SVEP1: variants seen among roughly 807,000 people sequenced by gnomAD.
SVEP1 encodes the protein sushi, von Willebrand factor type A, EGF and pentraxin domain-containing protein 1.
SVEP1 carries 164 observed loss-of-function variants against 367.3 expected under a neutral mutation model. The ratio of observed to expected loss-of-function variants is 0.45; its 90% CI spans 0.39 to 0.51. SVEP1 has a LOEUF of 0.51. Among genes scored for constraint, SVEP1 ranks in the 20% least tolerant of loss-of-function variants. The probability of loss-of-function intolerance (pLI) is 0.00; values close to 1 mark genes in which losing one functional copy is unlikely to be tolerated. For missense variants in SVEP1, 4,117 were observed against 4,425.3 expected (o/e 0.93, Z 1.98); for synonymous variants, 1,666 against 1,611.6 (o/e 1.03, Z -0.81).
rs779502981 is a variant in SVEP1 at position 110,489,714 on chromosome 9, G to A, written c.1866C>T (p.Ile622=). 202 of 1,613,574 alleles carry A rather than the reference G, an allele frequency of 1.3e-4. No homozygotes were observed. Among genetic ancestry groups the A allele is most frequent in the East Asian group, 1.8e-4 (8 of 44,866 alleles). Residue 622 remains isoleucine, a synonymous_variant, in exon 9 of 48, where the codon ATC becomes ATT. Transcript: ENST00000374469. ...CGGATAGGTCAGTTGCCGTGTATACGATAGCAACATCTCCAATTGGGAAAA... is the reference window on the plus strand; with the variant it reads ...CGGATAGGTCAGTTGCCGTGTATACAATAGCAACATCTCCAATTGGGAAAA... The part of the protein sequence containing the change: ...PYLFPIGDVA[I]VYTATDLSGN...
chr9:110,569,776 A>G (rs1384691997), intron 1 of SVEP1, among the ~76,000 whole-genome samples: 1 of 152,230 alleles, frequency 6.6e-6, no homozygotes, highest in Non-Finnish European at 1.5e-5. Context: ...AGTAATTAGA[A>G]TCTATCTTCA....
At chr9:110,370,108 T>C (rs1588015952) in intron 46 of SVEP1, 92 bp from the exon 47 acceptor site, 1 of 1,153,318 alleles carries the variant, frequency 8.7e-7, no homozygotes. Context: ...TGACTCTACT[T>C]CCTGCAGCAG....
intron 1 of SVEP1, among the ~76,000 whole-genome samples, chr9:110,562,336 T>C (rs1830442448): frequency 6.6e-6 from 1 of 152,166 alleles, no homozygotes; most frequent in Non-Finnish European, 1.5e-5. Context: ...AAATCAAATT[T>C]AATTTTATTA....
rs138366915 is a variant in SVEP1 at position 110,556,359 on chromosome 9, C to T, written c.532-6255G>A. Among the ~76,000 whole-genome samples the T allele has an allele frequency of 2.7e-3, 407 of 152,278 alleles. 5 individuals carry two copies. The highest frequency in any genetic ancestry group is 5.0e-3 in the Non-Finnish European group (339 of 68,016). On this transcript the variant is annotated intron_variant, in intron 1 of 47. Coordinates refer to ENST00000374469, the MANE Select transcript of SVEP1 (RefSeq NM_153366.4). ...AGATCTGGCATGGGGACAGTGTTTGCTCTTGGGCTGCATTAATTAAACTAC... is the reference window on the plus strand; with the variant it reads ...AGATCTGGCATGGGGACAGTGTTTGTTCTTGGGCTGCATTAATTAAACTAC...
intron 1 of SVEP1, among the ~76,000 whole-genome samples, chr9:110,572,973 A>G (rs1199277172): frequency 6.6e-6 from 1 of 152,018 alleles, no homozygotes; most frequent in Non-Finnish European, 1.5e-5. Flanking sequence ...AGATTCCTAT[A>G]TAATACTAGG....
intron 1 of SVEP1, among the ~76,000 whole-genome samples, chr9:110,552,547 C>T (rs1278918250): frequency 6.6e-6 from 1 of 152,010 alleles, no homozygotes; most frequent in East Asian, 1.9e-4. Flanking sequence ...TCAGTGGGAG[C>T]ACTCAACTTG....
At chr9:110,465,175 A>C (rs567986588) in intron 18 of SVEP1, among the ~76,000 whole-genome samples, 1 of 152,290 alleles carries the variant, frequency 6.6e-6, no homozygotes, top group East Asian at 1.9e-4. Flanking sequence ...ACCGAATCAA[A>C]GACCCTGGAG....
intron 42 of SVEP1, among the ~76,000 whole-genome samples, chr9:110,387,084 A>ACAAAAGCTGATT (rs1425415780): frequency 6.6e-6 from 1 of 152,204 alleles, no homozygotes; most frequent in Non-Finnish European, 1.5e-5. Context: ...ATGGAATCTG[A>ACAAAAGCTGATT]CAAAAGCTGA....
intron 1 of SVEP1, among the ~76,000 whole-genome samples, chr9:110,559,991 G>C (rs554938691): frequency 1.9e-4 from 29 of 152,230 alleles, no homozygotes; most frequent in African/African-American, 6.7e-4. Flanking sequence ...ATGTCTGTTT[G>C]TGTATGTATG....
intron 14 of SVEP1, among the ~76,000 whole-genome samples, chr9:110,472,647 G>T (rs956637812): frequency 2.6e-5 from 4 of 152,096 alleles, no homozygotes; most frequent in African/African-American, 9.7e-5. Flanking sequence ...AATAAGAGCT[G>T]GGTGCAAAAT....
chr9:110,529,054 C>T (rs972207760), intron 3 of SVEP1, among the ~76,000 whole-genome samples: 6 of 151,754 alleles, frequency 4.0e-5, no homozygotes, highest in East Asian at 1.9e-4. Context: ...TTTTTTTATA[C>T]GGTGAGAGAC....
rs187399627 is a variant in SVEP1 at position 110,416,492 on chromosome 9, T to C, written c.5976-4757A>G. On this transcript the variant is annotated intron_variant, in intron 36 of 47. Transcript: ENST00000374469. ...TAGGTTTTGAAAGAGATGAAAAGTG[T>C]GACAGATTAATTAACATGAAAAATA... Among the ~76,000 whole-genome samples, 42 of 151,396 alleles carry C rather than the reference T, an allele frequency of 2.8e-4. 1 individual carries two copies. The highest frequency in any genetic ancestry group is 7.3e-4 in the African/African-American group (30 of 41,110).
intron 5 of SVEP1, among the ~76,000 whole-genome samples, chr9:110,504,575 A>G (rs941057550): frequency 1.3e-5 from 2 of 152,240 alleles, no homozygotes; most frequent in Non-Finnish European, 1.5e-5. Flanking sequence ...GAGCTATTAC[A>G]CCAACTTTGG....
chr9:110,431,858 A>G, intron 32 of SVEP1, 57 bp downstream of exon 32: 2 of 1,601,022 alleles, frequency 1.2e-6, no homozygotes, highest in Non-Finnish European at 1.7e-6. Context: ...CACTTAAAAT[A>G]TGTACTTGAA....
Position 110,407,227 on chromosome 9 carries a change from G to GT in SVEP1, c.8372dup (p.Tyr2791Ter). 1.2e-6 allele frequency: 2 copies of GT among 1,613,964 alleles called. No individual in the cohort carries two copies. The highest frequency in any genetic ancestry group is 1.7e-6 in the Non-Finnish European group (2 of 1,179,880). ...VMNGSIKGSN[Y>*]TYLSTLYYEC... Reference sequence around the variant, plus strand: ...CATAGTACAACGTGCTCAGGTATGTGTAGTTGCTTCCTTTGATGGATCCAT... The same window carrying GT: ...CATAGTACAACGTGCTCAGGTATGTGTTAGTTGCTTCCTTTGATGGATCCAT... The change falls in exon 38 of 48, where the codon TAC (tyrosine) becomes TAAC (stop). Residue 2791 changes from tyrosine to a stop codon, truncating the protein, a stop_gained and frameshift_variant. Transcript: ENST00000374469. LOFTEE classifies it high-confidence loss of function.
At chr9:110,367,396 C>T (rs1827216006) in intron 47 of SVEP1, among the ~76,000 whole-genome samples, 1 of 121,808 alleles carries the variant, frequency 8.2e-6, no homozygotes, top group Admixed American at 7.7e-5. Flanking sequence ...ACTCCTGGGC[C>T]CAAGTGATCC....
At chr9:110,442,882 C>T (rs1200198002) in intron 27 of SVEP1, 1 of 152,150 alleles carries the variant, frequency 6.6e-6, no homozygotes, top group Non-Finnish European at 1.5e-5. Context: ...ATCCTAGTTT[C>T]ATACAACTTA....
At position 110,407,064 on chromosome 9, in the gene SVEP1, C is replaced by T; in HGVS notation, c.8536G>A (p.Gly2846Arg). 1 of 1,614,010 alleles carries T rather than the reference C, an allele frequency of 6.2e-7. No individual in the cohort carries two copies. Among genetic ancestry groups the T allele is most frequent in the Non-Finnish European group, 8.5e-7 (1 of 1,179,898 alleles). Residue 2846 changes from glycine to arginine, a missense_variant, in exon 38 of 48, where the codon GGA (glycine) becomes AGA (arginine). By Grantham distance (125) the Gly-to-Arg change is moderately radical. This residue lies in a region of SVEP1 where 1,765 missense variants were observed against 1,781.1 expected (regional missense o/e 0.99). Transcript: ENST00000374469. ...TCTTTTTGGAATGTGTACTCGTCTC[C>T]TCTCACCTGGCCATTGGCTGAGACT... is the stretch of plus-strand genomic sequence containing the variant. ...PPVSANGQVR[G>R]DEYTFQKEIE...
chr9:110,558,115 A>G (rs1830377036), intron 1 of SVEP1, among the ~76,000 whole-genome samples: 1 of 152,156 alleles, frequency 6.6e-6, no homozygotes, highest in Admixed American at 6.5e-5. Context: ...AACACAAAAC[A>G]TCTAGAGAAG....
Sources: gnomAD v4.1 joint callset for allele counts (sites outside exome capture counted in the v4.1 genomes callset) on GRCh38, gnomAD v4.1.1 for gene constraint, gnomAD v4.1.1 regional missense constraint, MANE v1.5 for transcripts, NCBI Gene and HGNC (gene_info 2026-07-23, HGNC 2026-07-21) for gene names.